The following MYO3A variants were observed in gnomAD, a reference collection of about 807,000 sequenced individuals.
MYO3A encodes the protein myosin IIIA.
MYO3A carries 180 observed loss-of-function variants against 192.7 expected under a neutral mutation model. The ratio of observed to expected loss-of-function variants is 0.93; its 90% confidence interval spans 0.83 to 1.06. MYO3A has a LOEUF of 1.06. Ranked by LOEUF, MYO3A falls within the 50% of genes least tolerant of loss-of-function variation. The probability of loss-of-function intolerance (pLI) is 0.00; values close to 1 mark genes in which losing one functional copy is unlikely to be tolerated. For missense variants in MYO3A, 1,896 were observed against 1,905.0 expected (o/e 1.00, Z 0.09); for synonymous variants, 628 against 645.3 (o/e 0.97, Z 0.41).
intron 4 of MYO3A, among the ~76,000 whole-genome samples, chr10:25,985,596 G>T (rs571618187): frequency 6.6e-6 from 1 of 152,138 alleles, no homozygotes; most frequent in South Asian, 2.1e-4. Flanking sequence ...AAATCTAGAG[G>T]AGACAGATAA....
At chr10:26,098,686 T>C (rs1490492143) in intron 17 of MYO3A, among the ~76,000 whole-genome samples, 1 of 152,226 alleles carries the variant, frequency 6.6e-6, no homozygotes, top group Admixed American at 6.5e-5. Flanking sequence ...CCCAGTTTCT[T>C]GTTTTTGTCA....
chr10:26,066,872 A>G lies in MYO3A; in HGVS notation c.954-103A>G, dbSNP rs1166447203. 1.2e-5 allele frequency: 9 copies of G among 754,600 alleles called. No homozygotes were observed. The East Asian group carries it at 1.8e-4, about 15-fold the overall frequency. 46.7% of individuals were successfully genotyped at this position (754,600 alleles called of 1,614,324 possible). On this transcript the variant is annotated intron_variant, in intron 10 of 34. Coordinates refer to ENST00000642920, the MANE Select transcript of MYO3A (RefSeq NM_017433.5). ...TTCTGGTATCTTATCATTGAATTTA[A>G]TAAACAGATTCCTAGAGGATTTTCA...
chr10:26,185,748 G>A (rs1477479487), intron 31 of MYO3A, among the ~76,000 whole-genome samples: 2 of 151,860 alleles, frequency 1.3e-5, no homozygotes. Flanking sequence ...CCCCAACCAA[G>A]GGAACTAGTA....
At chr10:25,980,373 C>G (rs1839252635) in intron 4 of MYO3A, among the ~76,000 whole-genome samples, 1 of 152,150 alleles carries the variant, frequency 6.6e-6, no homozygotes, top group African/African-American at 2.4e-5. Flanking sequence ...AAAAAGCGGT[C>G]CTAGTCATCT....
intron 3 of MYO3A, among the ~76,000 whole-genome samples, 196 bp from the exon 4 acceptor site, chr10:25,954,678 C>T (rs182653252): frequency 3.9e-5 from 6 of 152,046 alleles, no homozygotes; most frequent in African/African-American, 1.4e-4. Flanking sequence ...ACTTGAGATT[C>T]ACTTGATTAG....
intron 4 of MYO3A, among the ~76,000 whole-genome samples, chr10:25,972,848 G>A (rs1838741508): frequency 1.3e-5 from 2 of 152,130 alleles, no homozygotes; most frequent in African/African-American, 2.4e-5. Context: ...TGATTCCTCT[G>A]TTGTTTCCAG....
At chr10:26,080,291 C>G (rs79927575) in intron 14 of MYO3A, among the ~76,000 whole-genome samples, 3,372 of 152,146 alleles carry the variant, frequency 0.022, 156 homozygotes, top group African/African-American at 0.077. Flanking sequence ...CTCTGAATTT[C>G]TTTCTTCTAC....
chr10:25,946,447 G>A (rs978441567), intron 2 of MYO3A, among the ~76,000 whole-genome samples: 5 of 151,450 alleles, frequency 3.3e-5, no homozygotes, highest in African/African-American at 1.2e-4. Context: ...ATTTCTGCTG[G>A]GAAATTCACT....
At chr10:26,183,407 C>T (rs1240763685) in intron 31 of MYO3A, among the ~76,000 whole-genome samples, 2 of 152,114 alleles carry the variant, frequency 1.3e-5, no homozygotes, top group Non-Finnish European at 2.9e-5. Context: ...CCTATAGTCC[C>T]AGCTACTCAG....
chr10:26,072,175 A>G (rs966648082), intron 14 of MYO3A, among the ~76,000 whole-genome samples: 1 of 152,140 alleles, frequency 6.6e-6, no homozygotes, highest in African/African-American at 2.4e-5. Flanking sequence ...CCCATGATCC[A>G]GTCACCTCCT....
chr10:26,113,917 A>G (rs1838344178), intron 17 of MYO3A, among the ~76,000 whole-genome samples: 1 of 152,222 alleles, frequency 6.6e-6, no homozygotes, highest in Non-Finnish European at 1.5e-5. Flanking sequence ...CAGATTGCTC[A>G]TGCTGTTTTA....
intron 8 of MYO3A, chr10:26,023,165 TG>T (rs1375876131): frequency 6.6e-6 from 1 of 152,250 alleles, no homozygotes; most frequent in African/African-American, 2.4e-5. Context: ...AGTCCTGATC[TG>T]GGGTAGATGA....
intron 10 of MYO3A, among the ~76,000 whole-genome samples, chr10:26,046,849 G>A (rs2131260424): frequency 6.6e-6 from 1 of 152,186 alleles, no homozygotes; most frequent in South Asian, 2.1e-4. Flanking sequence ...TGTTTCTTTG[G>A]TACCTTTAGC....
chr10:26,162,247 G>A (rs1841519981), intron 26 of MYO3A, among the ~76,000 whole-genome samples: 2 of 152,212 alleles, frequency 1.3e-5, no homozygotes, highest in South Asian at 4.1e-4. Flanking sequence ...GATACTCTGA[G>A]AGCATAAAGG....
intron 17 of MYO3A, among the ~76,000 whole-genome samples, chr10:26,113,339 G>A (rs953278731): frequency 5.9e-5 from 9 of 151,878 alleles, no homozygotes; most frequent in Admixed American, 2.6e-4. Flanking sequence ...TTGTGGCAGC[G>A]TGCACCTATA....
chr10:26,197,793 T>G (rs1843484091), intron 32 of MYO3A, among the ~76,000 whole-genome samples: 1 of 152,242 alleles, frequency 6.6e-6, no homozygotes, highest in Admixed American at 6.5e-5. Context: ...CTCAAACTCC[T>G]GACCTCAGGT....
Position 26,147,543 on chromosome 10 carries a change from C to A in MYO3A, c.2619C>A (p.His873Gln). The A allele has an allele frequency of 6.2e-7, 1 of 1,614,036 alleles. No individual in the cohort carries two copies. Among genetic ancestry groups the A allele is most frequent in the Non-Finnish European group, 8.5e-7 (1 of 1,179,952 alleles). Residue 873 changes from histidine (H) to glutamine (Q), a missense_variant, in exon 23 of 35, where the codon CAC becomes CAA. His to Gln is a conservative substitution (Grantham distance 24). Transcript: ENST00000642920. ...DNSVIRQLVN[H>Q]PLTKTGNLPH... ...GTGTAATTAGGCAACTAGTCAACCA[C>A]CCTCTGACCAAAACAGGTAAGACAA...
chr10:26,075,525 T>A, intron 14 of MYO3A, among the ~76,000 whole-genome samples: 1 of 150,438 alleles, frequency 6.6e-6, no homozygotes, highest in Non-Finnish European at 1.5e-5. Flanking sequence ...GAACATACGA[T>A]GTTTGTTTTT....
intron 7 of MYO3A, among the ~76,000 whole-genome samples, chr10:26,018,404 A>G (rs1232589424): frequency 1.3e-5 from 2 of 152,122 alleles, no homozygotes; most frequent in African/African-American, 4.8e-5. Flanking sequence ...CTACCACTCT[A>G]TGGTATTAAT....
Sources: allele counts gnomAD v4.1 joint callset (sites outside exome capture counted in the v4.1 genomes callset), GRCh38; gene constraint gnomAD v4.1.1; transcripts MANE v1.5; gene names NCBI Gene and HGNC (gene_info 2026-07-23, HGNC 2026-07-21).